MOGAT2: variants seen among roughly 807,000 people sequenced by gnomAD.
MOGAT2 encodes monoacylglycerol O-acyltransferase 2.
Under a neutral mutation model 31.5 loss-of-function variants are expected in MOGAT2, and 27 were observed. The ratio of observed to expected loss-of-function variants is 0.86; its 90% confidence interval spans 0.63 to 1.18. MOGAT2 has a LOEUF of 1.18. Ranked by LOEUF, MOGAT2 falls within the 50% of genes most tolerant of loss-of-function variation. MOGAT2 has a pLI of 0.00. For synonymous variants in MOGAT2, 163 were observed against 170.0 expected, an observed-to-expected ratio of 0.96 and a Z score of 0.32; for missense variants, 436 against 433.2, an observed-to-expected ratio of 1.01 and a Z score of -0.06.
chr11:75,719,874 G>A (rs973326274), intron 1 of MOGAT2, 118 bp from the exon 2 acceptor site: 22 of 1,005,964 alleles, frequency 2.2e-5, no homozygotes, highest in African/African-American at 1.6e-4. Context: ...TCCTGGGCCC[G>A]AGGATTGGAC....
In MOGAT2 at chr11:75,727,656, C is replaced by T. The variant is rs771046666; in HGVS notation, c.475+17C>T. On this transcript the variant is annotated intron_variant, in intron 3 of 5. Transcript: ENST00000198801. ...TGTCTGCAGGTGAGTCTTTCTACCC[C>T]TGAGCAGCTCAGGAAGGTAACAAAT... is the stretch of plus-strand genomic sequence containing the variant. The T allele has an allele frequency of 3.3e-5, 53 of 1,607,556 alleles. No individual in the cohort carries two copies. The highest frequency in any genetic ancestry group is 4.4e-5 in the Non-Finnish European group (52 of 1,175,852).
At chr11:75,724,251 A>G (rs1341447507) in intron 2 of MOGAT2, among the ~76,000 whole-genome samples, 1 of 152,066 alleles carries the variant, frequency 6.6e-6, no homozygotes. Flanking sequence ...TTCATGCTAT[A>G]CCCTTTCCAG....
intron 5 of MOGAT2, among the ~76,000 whole-genome samples, chr11:75,730,817 G>C (rs541222475): frequency 1.3e-4 from 19 of 150,722 alleles, no homozygotes; most frequent in Non-Finnish European, 2.4e-4. Context: ...GCTGAGGCAG[G>C]AGAATTGCTT....
chr11:75,720,117 G>A lies in MOGAT2; in HGVS notation c.217G>A (p.Ala73Thr). Residue 73 changes from alanine to threonine, a missense_variant, in exon 2 of 6, where the codon GCC (alanine) becomes ACC (threonine). Physicochemically the swap from Ala to Thr is moderately conservative, Grantham distance 58 (BLOSUM62 0). Transcript: ENST00000198801. Reference protein sequence around the residue: ...KPRQGGRHIQAIRCWTIWKYM... With the variant: ...KPRQGGRHIQTIRCWTIWKYM... ...ACGGCAGGGGGGCCGGCACATCCAGGCCATCAGGTGCTGGACTATATGGAA... is the reference window on the plus strand; with the variant it reads ...ACGGCAGGGGGGCCGGCACATCCAGACCATCAGGTGCTGGACTATATGGAA... The A allele has an allele frequency of 6.2e-7, 1 of 1,614,142 alleles. No individual in the cohort carries two copies. Among genetic ancestry groups the A allele is most frequent in the Non-Finnish European group, 8.5e-7 (1 of 1,180,022 alleles).
intron 3 of MOGAT2, 70 bp downstream of exon 3, chr11:75,727,709 A>T: frequency 2.8e-6 from 4 of 1,452,860 alleles, no homozygotes; most frequent in Non-Finnish European, 3.8e-6. Flanking sequence ...ATAGTTCTGT[A>T]CTTCTTCCAA....
chr11:75,721,397 C>T (rs934039284), intron 2 of MOGAT2, among the ~76,000 whole-genome samples: 1 of 152,122 alleles, frequency 6.6e-6, no homozygotes, highest in African/African-American at 2.4e-5. Flanking sequence ...ATTCTCCTAC[C>T]TCAGCCTCCC....
At chr11:75,728,705 A>T (rs2135736851) in intron 4 of MOGAT2, 85 bp from the exon 5 acceptor site, 4 of 1,187,922 alleles carry the variant, frequency 3.4e-6, no homozygotes, top group Non-Finnish European at 4.9e-6. Context: ...TTGGTCACTG[A>T]GTCCCTGCAG....
chr11:75,719,688 G>A, intron 1 of MOGAT2: 1 of 399,594 alleles, frequency 2.5e-6, no homozygotes. Context: ...CTCCTGGGGA[G>A]AAGGAGGACA....
rs1944491397 is a variant in MOGAT2 at position 75,732,500 on chromosome 11, C to T, written c.*1214C>T. 1 of 152,280 alleles carries T rather than the reference C, an allele frequency of 6.6e-6. No homozygotes were observed. Among genetic ancestry groups the T allele is most frequent in the Non-Finnish European group, 1.5e-5 (1 of 68,108 alleles). 9.4% of individuals were successfully genotyped at this position (152,280 alleles called of 1,614,324 possible). A position where few individuals can be genotyped will look rare whatever the true frequency, so the allele number is the denominator to read the frequency against. The stretch of plus-strand genomic sequence containing the variant: ...TGTCCACTTCCAGGCCCGAGCTTCT[C>T]AGCCTGCCGTTTGCCACTCTCCAGC... On this transcript the variant is annotated 3_prime_UTR_variant, in exon 6 of 6. Transcript: ENST00000198801.
Position 75,731,364 on chromosome 11 carries a change from A to G in MOGAT2, c.*78A>G. The G allele has an allele frequency of 6.6e-7, 1 of 1,506,776 alleles. No homozygotes were observed. Among genetic ancestry groups the G allele is most frequent in the South Asian group, 1.2e-5 (1 of 81,686 alleles). 93.3% of individuals were successfully genotyped at this position (1,506,776 alleles called of 1,614,324 possible). The stretch of plus-strand genomic sequence containing the variant: ...GAAGACTTCCTGGAGGTGTTTGTTG[A>G]ACATATCTGCAGAGCCTTCCCAGAC... On this transcript the variant is annotated 3_prime_UTR_variant, in exon 6 of 6. Transcript: ENST00000198801.
rs572191323 is a variant in MOGAT2, at chr11:75,730,778, G to C, written c.851-354G>C. Among the ~76,000 whole-genome samples, 4 of 152,028 alleles carry C rather than the reference G, an allele frequency of 2.6e-5. No individual in the cohort carries two copies. In the East Asian group the frequency reaches 7.7e-4, roughly 29 times the overall value. ...ACAAAAATTAGCTGGGCATGGTGGC[G>C]CATGCCTGTAATCCCAGCTACTCGG... On this transcript the variant is annotated intron_variant, in intron 5 of 5. Transcript: ENST00000198801.
chr11:75,718,107 G>A, intron 1 of MOGAT2, 128 bp downstream of exon 1: 1 of 979,080 alleles, frequency 1.0e-6, no homozygotes, highest in Non-Finnish European at 1.6e-6. Flanking sequence ...GTTGCGCTCA[G>A]AGCCCCTGCC....
At chr11:75,720,271 C>A (rs1944366790) in intron 2 of MOGAT2, 101 bp downstream of exon 2, 2 of 1,326,214 alleles carry the variant, frequency 1.5e-6, no homozygotes, top group South Asian at 1.4e-5. Context: ...CCTGCATGCA[C>A]TGAGGAGGGT....
chr11:75,726,020 C>T (rs1414567966), intron 2 of MOGAT2, among the ~76,000 whole-genome samples: 1 of 152,238 alleles, frequency 6.6e-6, no homozygotes, highest in Non-Finnish European at 1.5e-5. Context: ...CTTGGCACAG[C>T]CCGTCCGGTA....
At chr11:75,726,558 G>A (rs1286023828) in intron 2 of MOGAT2, among the ~76,000 whole-genome samples, 1 of 152,090 alleles carries the variant, frequency 6.6e-6, no homozygotes, top group Non-Finnish European at 1.5e-5. Context: ...GAAATGGTAT[G>A]GAATGTTGTT....
At chr11:75,730,048 G>T (rs1025392952) in intron 5 of MOGAT2, among the ~76,000 whole-genome samples, 2 of 152,168 alleles carry the variant, frequency 1.3e-5, no homozygotes, top group African/African-American at 4.8e-5. Flanking sequence ...CCTGGCCTCC[G>T]ACAGACTTTA....
intron 1 of MOGAT2, among the ~76,000 whole-genome samples, chr11:75,718,354 C>T (rs949750251): frequency 1.3e-5 from 2 of 152,048 alleles, no homozygotes; most frequent in Non-Finnish European, 2.9e-5. Flanking sequence ...TCCTTCTGTG[C>T]GCTCAGGGAG....
At chr11:75,730,940 GAAAA>G in intron 5 of MOGAT2, 188 bp from the exon 6 acceptor site, 1 of 358,344 alleles carries the variant, frequency 2.8e-6, no homozygotes. Context: ...GAAAAGAAAA[GAAAA>G]GGAAGAAAGA....
At chr11:75,720,914 G>A (rs7940056) in intron 2 of MOGAT2, among the ~76,000 whole-genome samples, 4,686 of 152,196 alleles carry the variant, frequency 0.031, 203 homozygotes, top group African/African-American at 0.092. Flanking sequence ...GGATTTGAGT[G>A]AGCAGATCTT....
Sources: allele counts gnomAD v4.1 joint callset (sites outside exome capture counted in the v4.1 genomes callset), GRCh38; gene constraint gnomAD v4.1.1; transcripts MANE v1.5; gene names NCBI Gene and HGNC (gene_info 2026-07-23, HGNC 2026-07-21).